ADGRB3: variants seen among roughly 807,000 people sequenced by gnomAD.
ADGRB3 encodes adhesion G protein-coupled receptor B3.
A neutral mutation model predicts 193.4 loss-of-function variants in ADGRB3; 37 were observed. The observed-to-expected ratio is 0.19, with a 90% CI of 0.15 to 0.25. The LOEUF (loss-of-function observed/expected upper bound fraction) is 0.25, where lower values mean the gene tolerates loss of function less well. Ranked by LOEUF, ADGRB3 falls within the 10% of genes least tolerant of loss-of-function variation. ADGRB3 has a pLI of 1.00. For missense variants in ADGRB3, 1,637 were observed against 1,852.9 expected (o/e 0.88, Z 2.14); for synonymous variants, 690 against 644.2 (o/e 1.07, Z -1.08).
At chr6:68,994,068 T>G in intron 11 of ADGRB3, 106 bp downstream of exon 11, 1 of 1,107,052 alleles carries the variant, frequency 9.0e-7, no homozygotes, top group Admixed American at 2.4e-5. Context: ...AGGAAGATAA[T>G]GCTCATCCAA....
intron 20 of ADGRB3, among the ~76,000 whole-genome samples, chr6:69,280,305 G>A (rs562745307): frequency 3.3e-5 from 5 of 152,166 alleles, no homozygotes; most frequent in South Asian, 2.1e-4. Context: ...ACTGACCTGC[G>A]TCCCATTTGT....
At chr6:69,334,008 A>G (rs1768787838) in intron 24 of ADGRB3, among the ~76,000 whole-genome samples, 2 of 127,096 alleles carry the variant, frequency 1.6e-5, no homozygotes. Context: ...AAATAAAATA[A>G]AATAAAATAA....
At chr6:68,756,919 G>A (rs1176700758) in intron 3 of ADGRB3, among the ~76,000 whole-genome samples, 1 of 152,060 alleles carries the variant, frequency 6.6e-6, no homozygotes, top group Non-Finnish European at 1.5e-5. Context: ...CAGCAGAGTT[G>A]GCAGTGCTGT....
intron 17 of ADGRB3, among the ~76,000 whole-genome samples, chr6:69,078,468 A>G (rs1007959413): frequency 2.0e-5 from 3 of 152,024 alleles, no homozygotes; most frequent in South Asian, 2.1e-4. Flanking sequence ...AAATGTTTTC[A>G]TATTGTATGA....
At chr6:68,904,615 G>A (rs1766493015) in intron 3 of ADGRB3, among the ~76,000 whole-genome samples, 1 of 152,020 alleles carries the variant, frequency 6.6e-6, no homozygotes, top group South Asian at 2.1e-4. Flanking sequence ...ATTTACCTTG[G>A]TGATTCTTCC....
intron 3 of ADGRB3, among the ~76,000 whole-genome samples, chr6:68,720,295 A>C (rs1765554392): frequency 6.6e-6 from 1 of 151,810 alleles, no homozygotes; most frequent in African/African-American, 2.4e-5. Context: ...CTGCTAAGAC[A>C]GCCCTAAATT....
In ADGRB3 at chr6:68,911,383, G is replaced by A. The variant is rs145650671; in HGVS notation, c.758-19176G>A. On this transcript the variant is annotated intron_variant, in intron 3 of 31. Transcript: ENST00000370598. ...GTATACGTATGTAACAAACCTGCAC[G>A]TTGTGCACATGTACCCTAAAGCTTA... is the stretch of plus-strand genomic sequence containing the variant. 9.6e-4 allele frequency among the ~76,000 whole-genome samples: 145 copies of A among 151,648 alleles called. 1 individual carries two copies. Among genetic ancestry groups the A allele is most frequent in the East Asian group, 8.6e-3 (44 of 5,138 alleles).
At chr6:68,925,455 C>G (rs1767153750) in intron 3 of ADGRB3, among the ~76,000 whole-genome samples, 1 of 151,926 alleles carries the variant, frequency 6.6e-6, no homozygotes, top group Non-Finnish European at 1.5e-5. Context: ...TGCTTCTCAA[C>G]AGAATTTACT....
rs191954622 is a variant in ADGRB3 at position 68,718,669 on chromosome 6, G to A, written c.757+79237G>A. On this transcript the variant is annotated intron_variant, in intron 3 of 31. Transcript: ENST00000370598. ...CTTCCTCAGTACTCAGTCAAAATCT[G>A]TCTCTCAACCCTGTGTTTCCATAAG... Among the ~76,000 whole-genome samples, 100 of 151,832 alleles carry A rather than the reference G, an allele frequency of 6.6e-4. 1 individual carries two copies. The highest frequency in any genetic ancestry group is 2.2e-3 in the African/African-American group (92 of 41,478).
intron 17 of ADGRB3, among the ~76,000 whole-genome samples, chr6:69,177,148 T>C (rs989930986): frequency 2.0e-5 from 3 of 152,136 alleles, no homozygotes; most frequent in Non-Finnish European, 2.9e-5. Flanking sequence ...ATTTTCGTTA[T>C]TTCTTTTCTT....
intron 3 of ADGRB3, among the ~76,000 whole-genome samples, chr6:68,875,968 C>G (rs1444177630): frequency 6.6e-6 from 1 of 151,872 alleles, no homozygotes; most frequent in Non-Finnish European, 1.5e-5. Context: ...CAATTTAATG[C>G]TAAAGCATAA....
At chr6:69,186,997 T>A (rs1392894903) in intron 17 of ADGRB3, among the ~76,000 whole-genome samples, 1 of 151,616 alleles carries the variant, frequency 6.6e-6, no homozygotes, top group African/African-American at 2.4e-5. Context: ...ATGTATAGGT[T>A]CAGCTATTAC....
Position 69,175,981 on chromosome 6 carries a change from A to G in ADGRB3, c.2481-57309A>G, listed in dbSNP as rs536333713. 3.9e-5 allele frequency among the ~76,000 whole-genome samples: 6 copies of G among 152,338 alleles called. No individual in the cohort carries two copies. In the East Asian group the frequency reaches 1.2e-3, roughly 29 times the overall value. On this transcript the variant is annotated intron_variant, in intron 17 of 31. Transcript: ENST00000370598. ...ATAGAAATGCTATTGATTTTGGTAC[A>G]TTGATTTTGTATCTAGAAACTTTAC... is the stretch of plus-strand genomic sequence containing the variant.
At chr6:68,823,722 A>C (rs1423342238) in intron 3 of ADGRB3, among the ~76,000 whole-genome samples, 3 of 152,130 alleles carry the variant, frequency 2.0e-5, no homozygotes, top group Non-Finnish European at 4.4e-5. Flanking sequence ...AGATACTTAG[A>C]ATATGGGGGT....
At chr6:68,963,201 C>A (rs1004433110) in intron 8 of ADGRB3, among the ~76,000 whole-genome samples, 1 of 152,124 alleles carries the variant, frequency 6.6e-6, no homozygotes, top group Admixed American at 6.6e-5. Context: ...CAACAAAGTA[C>A]CGACTTGGGC....
chr6:69,144,004 A>G (rs1395192820), intron 17 of ADGRB3, among the ~76,000 whole-genome samples: 1 of 152,180 alleles, frequency 6.6e-6, no homozygotes, highest in Non-Finnish European at 1.5e-5. Context: ...TGATTCTTCC[A>G]ATCCATGAAC....
chr6:69,372,289 A>C (rs1448082021), intron 29 of ADGRB3, 117 bp from the exon 30 acceptor site: 12 of 489,886 alleles, frequency 2.4e-5, no homozygotes, highest in Non-Finnish European at 4.2e-5. Context: ...TGTGAAGGAA[A>C]TATGTATAAA....
rs191871035 is a variant in ADGRB3 at position 69,119,440 on chromosome 6, G to A, written c.2480+43402G>A. ...ATATAATAAAAACCATAATAAATAAGCAGATTATATTATACAAGGTAATAT... is the reference window on the plus strand; with the variant it reads ...ATATAATAAAAACCATAATAAATAAACAGATTATATTATACAAGGTAATAT... On this transcript the variant is annotated intron_variant, in intron 17 of 31. Coordinates refer to ENST00000370598, the MANE Select transcript of ADGRB3 (RefSeq NM_001704.3). 8.5e-4 allele frequency among the ~76,000 whole-genome samples: 130 copies of A among 152,238 alleles called. 1 individual carries two copies. The Middle Eastern group carries it at 0.024, about 28-fold the overall frequency.
chr6:69,337,377 C>T (rs1339669976), intron 24 of ADGRB3, among the ~76,000 whole-genome samples: 1 of 151,866 alleles, frequency 6.6e-6, no homozygotes, highest in African/African-American at 2.4e-5. Context: ...GGTACTTGTT[C>T]CTGTTTGTTC....
Sources: gnomAD v4.1 joint callset for allele counts (sites outside exome capture counted in the v4.1 genomes callset) on GRCh38, gnomAD v4.1.1 for gene constraint, MANE v1.5 for transcripts, NCBI Gene and HGNC (gene_info 2026-07-23, HGNC 2026-07-21) for gene names.